The following GIT2 variants were observed in gnomAD, a reference collection of about 807,000 sequenced individuals.
GIT2 encodes the protein GIT ArfGAP 2, also known as ARF GTPase-activating protein GIT2.
In GIT2, 32 loss-of-function variants were observed where a neutral mutation model predicts 100.3. The ratio of observed to expected loss-of-function variants is 0.32; its 90% CI spans 0.24 to 0.43. The LOEUF is 0.43. GIT2 is among the 20% of genes least tolerant of loss of function. The pLI is 1.00. For synonymous variants in GIT2, 353 were observed against 364.1 expected (o/e 0.97, Z 0.35); for missense variants, 737 against 975.1 (o/e 0.76, Z 3.25).
At chr12:109,972,400 T>G (rs756965957) in intron 7 of GIT2, among the ~76,000 whole-genome samples, 70 of 152,336 alleles carry the variant, frequency 4.6e-4, no homozygotes, top group Non-Finnish European at 7.8e-4. Flanking sequence ...GTTGAATGCT[T>G]CTTCTGCATC....
chr12:109,933,939 G>C lies in GIT2; in HGVS notation c.2067+83C>G. ...TTAAAACTGCATGTGCTACAAAAAA[G>C]CTAATGTAATATATAGGTCATAAAG... On this transcript the variant is annotated intron_variant, in intron 19 of 19. Coordinates refer to ENST00000355312, the MANE Select transcript of GIT2 (RefSeq NM_057169.5). This position sits in a 1 kb window ranked among gnomAD's most constrained non-coding sequence, Gnocchi z 4.5. The C allele has an allele frequency of 1.2e-6, 1 of 816,034 alleles. No individual in the cohort carries two copies. Among genetic ancestry groups the C allele is most frequent in the South Asian group, 1.3e-5 (1 of 74,346 alleles). 50.5% of individuals were successfully genotyped at this position (816,034 alleles called of 1,614,324 possible).
intron 7 of GIT2, 106 bp from the exon 8 acceptor site, chr12:109,967,609 T>C: frequency 1.2e-6 from 1 of 809,740 alleles, no homozygotes; most frequent in Non-Finnish European, 2.1e-6. Context: ...TTAGTATTTG[T>C]GCATAATGAC....
intron 10 of GIT2, 92 bp downstream of exon 10, chr12:109,961,521 A>G (rs1269057878): frequency 5.2e-6 from 5 of 955,400 alleles, no homozygotes; most frequent in South Asian, 1.3e-5. Context: ...CCATCAGGAC[A>G]GCAGAAATTG....
chr12:109,940,391 A>G (rs953991274), intron 16 of GIT2: 2 of 152,220 alleles, frequency 1.3e-5, no homozygotes, highest in African/African-American at 2.4e-5. Flanking sequence ...CTTATAAAAT[A>G]TAAGTGTGAG....
At position 109,951,085 on chromosome 12, in the gene GIT2, G is replaced by A. The variant is rs1322064434; in HGVS notation, c.1392+82C>T. The A allele has an allele frequency of 2.5e-5, 30 of 1,206,996 alleles. No homozygotes were observed. The South Asian group carries it at 2.7e-4, about 11-fold the overall frequency. The allele number at this position is 1,206,996 out of a possible 1,614,324, so 74.8% of individuals were successfully genotyped here. Reference sequence around the variant, plus strand: ...TTACAATAACTGTTTTTCTTTCCTCGGACCACATCACAGTGCCTGAGATTC... The same window carrying A: ...TTACAATAACTGTTTTTCTTTCCTCAGACCACATCACAGTGCCTGAGATTC... On this transcript the variant is annotated intron_variant, in intron 14 of 19. Transcript: ENST00000355312.
At position 109,947,181 on chromosome 12, in the gene GIT2, T is replaced by C. The variant is rs552948936; in HGVS notation, c.1641+75A>G. 7 of 1,434,436 alleles carry C rather than the reference T, an allele frequency of 4.9e-6. No homozygotes were observed. The highest frequency in any genetic ancestry group is 6.7e-6 in the Non-Finnish European group (7 of 1,046,738). 88.9% of individuals were successfully genotyped at this position (1,434,436 alleles called of 1,614,324 possible). A position where few individuals can be genotyped will look rare whatever the true frequency, so the allele number is the denominator to read the frequency against. ...TTGGCAAAGCAGAGCTGTGGGGACC[T>C]GTAGGTTCAGAAGAGGGAACAGAGT... On this transcript the variant is annotated intron_variant, in intron 15 of 19. Coordinates refer to ENST00000355312, the MANE Select transcript of GIT2 (RefSeq NM_057169.5). The surrounding 1 kb of genome is among the most constrained non-coding windows in gnomAD (Gnocchi z 4.3).
intron 11 of GIT2, among the ~76,000 whole-genome samples, chr12:109,960,585 GA>G (rs946573218): frequency 2.7e-5 from 4 of 148,800 alleles, no homozygotes; most frequent in African/African-American, 4.9e-5. Context: ...CGTCTCAAAA[GA>G]AAAAAAAAAT....
intron 4 of GIT2, among the ~76,000 whole-genome samples, chr12:109,988,726 G>A (rs1017418533): frequency 5.3e-5 from 8 of 151,622 alleles, no homozygotes; most frequent in Admixed American, 2.6e-4. Flanking sequence ...GGTGGCATGC[G>A]CCTGTAATCC....
Position 109,978,105 on chromosome 12 carries a change from C to T in GIT2, c.718+2847G>A, listed in dbSNP as rs538753242. 1.1e-4 allele frequency among the ~76,000 whole-genome samples: 12 copies of T among 107,464 alleles called. No homozygotes were observed. In the South Asian group the frequency reaches 3.2e-3, roughly 29 times the overall value. 70.5% of individuals were successfully genotyped at this position (107,464 alleles called of 152,430 possible). On this transcript the variant is annotated intron_variant, in intron 7 of 19. Coordinates refer to ENST00000355312, the MANE Select transcript of GIT2 (RefSeq NM_057169.5). ...TTTTTTTTTTTTTTTTTTTTTGAGA[C>T]GGAGTTTCGCTCTGTTGCCCAGGTT...
chr12:109,989,869 C>T (rs1486561222), intron 2 of GIT2, 67 bp from the exon 3 acceptor site: 3 of 823,916 alleles, frequency 3.6e-6, no homozygotes, highest in Middle Eastern at 3.3e-4. Context: ...GGATCAGTGA[C>T]TGAACAGAGT....
At chr12:109,992,861 G>C (rs964381766) in intron 1 of GIT2, among the ~76,000 whole-genome samples, 1 of 151,720 alleles carries the variant, frequency 6.6e-6, no homozygotes, top group Admixed American at 6.6e-5. Flanking sequence ...TAGTACAGAC[G>C]AGGTTTCACC....
At chr12:109,976,651 C>G (rs1259290443) in intron 7 of GIT2, among the ~76,000 whole-genome samples, 1 of 149,456 alleles carries the variant, frequency 6.7e-6, no homozygotes, top group African/African-American at 2.5e-5. Context: ...TGCAGTGGCA[C>G]GATCTCGGCT....
At chr12:109,984,684 T>C (rs556820448) in intron 4 of GIT2, among the ~76,000 whole-genome samples, 1 of 152,074 alleles carries the variant, frequency 6.6e-6, no homozygotes, top group East Asian at 2.0e-4. Context: ...CGAGCTGAAG[T>C]GATCCTCCCA....
chr12:109,980,829 C>T (rs182055363), intron 7 of GIT2, 123 bp downstream of exon 7: 25 of 681,804 alleles, frequency 3.7e-5, no homozygotes, highest in Non-Finnish European at 6.1e-5. Flanking sequence ...AATTAAAAGC[C>T]ATATGTATAG....
chr12:109,956,365 GA>G (rs1478515337), intron 12 of GIT2, among the ~76,000 whole-genome samples: 1 of 152,152 alleles, frequency 6.6e-6, no homozygotes, highest in Non-Finnish European at 1.5e-5. Context: ...AATGACCAAT[GA>G]AAAGCACACA....
chr12:109,950,912 G>GT, intron 14 of GIT2: 1 of 445,346 alleles, frequency 2.2e-6, no homozygotes, highest in Non-Finnish European at 4.1e-6. Flanking sequence ...GCACAGAATA[G>GT]TCCAAGGGTT....
rs578228689 is a variant in GIT2 at position 109,935,170 on chromosome 12, C to T, written c.2004-1085G>A. Among the ~76,000 whole-genome samples the T allele has an allele frequency of 7.9e-5, 12 of 152,124 alleles. 1 individual carries two copies. Among genetic ancestry groups the T allele is most frequent in the Admixed American group, 6.5e-4 (10 of 15,280 alleles). On this transcript the variant is annotated intron_variant, in intron 18 of 19. Coordinates refer to ENST00000355312, the MANE Select transcript of GIT2 (RefSeq NM_057169.5). ...TCCAAAAATGCCTTCATTGGAAATCCTGACTTCTACCTTTGTGAGCAATTA... is the reference window on the plus strand; with the variant it reads ...TCCAAAAATGCCTTCATTGGAAATCTTGACTTCTACCTTTGTGAGCAATTA...
chr12:109,969,020 G>A (rs908774577), intron 7 of GIT2, among the ~76,000 whole-genome samples: 10 of 151,768 alleles, frequency 6.6e-5, no homozygotes, highest in African/African-American at 1.7e-4. Flanking sequence ...CACCGTGCTC[G>A]GCCTGAGTTT....
At chr12:109,974,248 C>T (rs974789368) in intron 7 of GIT2, among the ~76,000 whole-genome samples, 3 of 151,902 alleles carry the variant, frequency 2.0e-5, no homozygotes, top group South Asian at 2.1e-4. Context: ...TGTTCAGGGC[C>T]GGGCACGGTG....
Sources: allele counts gnomAD v4.1 joint callset (sites outside exome capture counted in the v4.1 genomes callset), GRCh38; gene constraint gnomAD v4.1.1; non-coding constraint Gnocchi (gnomAD v3.1); transcripts MANE v1.5; gene names NCBI Gene and HGNC (gene_info 2026-07-23, HGNC 2026-07-21).